The following OXR1 variants were observed in gnomAD, a reference collection of about 807,000 sequenced individuals.
The protein encoded by OXR1 is oxidation resistance 1, also known as oxidation resistance protein 1.
Under a neutral mutation model 104.6 loss-of-function variants are expected in OXR1, and 41 were observed. The observed-to-expected ratio is 0.39, with a 90% CI of 0.31 to 0.51. The LOEUF (loss-of-function observed/expected upper bound fraction) is 0.51. OXR1 is among the 20% of genes least tolerant of loss of function. The pLI is 0.77. For synonymous variants in OXR1, 348 were observed against 348.4 expected, an observed-to-expected ratio of 1.00 and a Z score of 0.01; for missense variants, 955 against 1,031.9, an observed-to-expected ratio of 0.93 and a Z score of 1.02.
intron 2 of OXR1, among the ~76,000 whole-genome samples, chr8:106,360,965 T>C (rs1005978212): frequency 2.0e-5 from 3 of 152,156 alleles, no homozygotes; most frequent in Admixed American, 6.5e-5. Context: ...TATTTCAAGA[T>C]AGTGTGCAGT....
intron 3 of OXR1, among the ~76,000 whole-genome samples, chr8:106,642,007 A>G (rs1315390981): frequency 6.6e-6 from 1 of 152,154 alleles, no homozygotes; most frequent in African/African-American, 2.4e-5. Context: ...CCTGGGCTCA[A>G]GAGATCCTCC....
chr8:106,559,846 G>A (rs1467012295), intron 3 of OXR1, among the ~76,000 whole-genome samples: 1 of 152,110 alleles, frequency 6.6e-6, no homozygotes, highest in African/African-American at 2.4e-5. Context: ...CTGCAGATTC[G>A]ATTTCAACAT....
chr8:106,443,542 T>C (rs1336124842), intron 2 of OXR1, among the ~76,000 whole-genome samples: 2 of 152,194 alleles, frequency 1.3e-5, no homozygotes, highest in African/African-American at 2.4e-5. Context: ...TGTGGGAGTC[T>C]AAGTCTCTTT....
intron 1 of OXR1, among the ~76,000 whole-genome samples, chr8:106,331,943 A>G (rs1304367470): frequency 6.6e-6 from 1 of 151,776 alleles, no homozygotes; most frequent in Non-Finnish European, 1.5e-5. Flanking sequence ...CTCAAAAAAA[A>G]AAATGATAAT....
intron 10 of OXR1, among the ~76,000 whole-genome samples, chr8:106,712,702 A>G (rs541576737): frequency 1.3e-5 from 2 of 152,188 alleles, no homozygotes; most frequent in African/African-American, 4.8e-5. Context: ...GAGTAAGTAC[A>G]ATGTGTGTCT....
intron 2 of OXR1, among the ~76,000 whole-genome samples, chr8:106,493,002 A>G (rs545692588): frequency 6.6e-6 from 1 of 152,314 alleles, no homozygotes; most frequent in Non-Finnish European, 1.5e-5. Context: ...AGCTGTAGTT[A>G]TATGTACAGA....
intron 3 of OXR1, among the ~76,000 whole-genome samples, chr8:106,674,545 G>A (rs762301793): frequency 2.0e-5 from 3 of 152,176 alleles, no homozygotes; most frequent in Non-Finnish European, 2.9e-5. Flanking sequence ...GACTTTGGGA[G>A]ACTGTTGGGA....
At chr8:106,364,847 A>C (rs1816399828) in intron 2 of OXR1, among the ~76,000 whole-genome samples, 1 of 152,172 alleles carries the variant, frequency 6.6e-6, no homozygotes, top group African/African-American at 2.4e-5. Context: ...GGAATGGGGA[A>C]ATCAAACTCT....
chr8:106,519,196 A>T, intron 3 of OXR1, 57 bp downstream of exon 3: 1 of 1,236,432 alleles, frequency 8.1e-7, no homozygotes, highest in South Asian at 1.5e-5. Flanking sequence ...AATGGCATTG[A>T]GAATTTCTGG....
At chr8:106,545,752 C>T (rs1057419083) in intron 3 of OXR1, among the ~76,000 whole-genome samples, 1 of 152,148 alleles carries the variant, frequency 6.6e-6, no homozygotes, top group Non-Finnish European at 1.5e-5. Context: ...AATCCCAGCA[C>T]TTTGGGAGAC....
intron 3 of OXR1, among the ~76,000 whole-genome samples, chr8:106,650,540 C>G (rs892914718): frequency 3.9e-5 from 6 of 152,174 alleles, no homozygotes; most frequent in Non-Finnish European, 5.9e-5. Context: ...AGTGGACAGT[C>G]TAGCAAGCTC....
At chr8:106,699,101 T>C (rs1036642041) in intron 7 of OXR1, among the ~76,000 whole-genome samples, 4 of 152,220 alleles carry the variant, frequency 2.6e-5, no homozygotes, top group African/African-American at 9.6e-5. Context: ...CTTTAGTGTG[T>C]AGCTAATTTT....
intron 1 of OXR1, among the ~76,000 whole-genome samples, chr8:106,330,016 A>G (rs763194525): frequency 6.6e-6 from 1 of 152,036 alleles, no homozygotes; most frequent in Non-Finnish European, 1.5e-5. Flanking sequence ...AGCCCTATCC[A>G]TGGACACTCT....
intron 2 of OXR1, among the ~76,000 whole-genome samples, chr8:106,508,608 C>A (rs938577503): frequency 1.1e-4 from 17 of 152,182 alleles, no homozygotes; most frequent in African/African-American, 4.1e-4. Flanking sequence ...TTAAAAACCA[C>A]AAAATGTCAT....
intron 2 of OXR1, among the ~76,000 whole-genome samples, chr8:106,389,075 C>G (rs748273739): frequency 6.6e-6 from 1 of 152,270 alleles, no homozygotes; most frequent in South Asian, 2.1e-4. Context: ...CACTCTAGAG[C>G]TTTTAGTGAG....
intron 2 of OXR1, among the ~76,000 whole-genome samples, chr8:106,412,700 G>A (rs578203837): frequency 6.6e-6 from 1 of 152,092 alleles, no homozygotes; most frequent in African/African-American, 2.4e-5. Context: ...AATTTTTATT[G>A]GCTGCGAGCA....
chr8:106,287,187 T>C (rs1389493860), intron 1 of OXR1, among the ~76,000 whole-genome samples: 2 of 152,130 alleles, frequency 1.3e-5, no homozygotes, highest in Non-Finnish European at 2.9e-5. Flanking sequence ...AAGTTTAAAA[T>C]AGAGGCTTAT....
At chr8:106,380,606 G>A (rs935537273) in intron 2 of OXR1, among the ~76,000 whole-genome samples, 8 of 152,124 alleles carry the variant, frequency 5.3e-5, no homozygotes, top group African/African-American at 1.9e-4. Context: ...GGGTGTTTCT[G>A]TTTCTCCACA....
At chr8:106,494,237 CT>C (rs1304310735) in intron 2 of OXR1, among the ~76,000 whole-genome samples, 1 of 152,116 alleles carries the variant, frequency 6.6e-6, no homozygotes, top group Non-Finnish European at 1.5e-5. Context: ...ATTCATTGCC[CT>C]CTAGGAGCTG....
Sources: gnomAD v4.1 joint callset for allele counts (sites outside exome capture counted in the v4.1 genomes callset) on GRCh38, gnomAD v4.1.1 for gene constraint, MANE v1.5 for transcripts, NCBI Gene and HGNC (gene_info 2026-07-23, HGNC 2026-07-21) for gene names.